TPO: variants seen among roughly 807,000 people sequenced by gnomAD.
TPO encodes thyroid peroxidase, also known as thyroid microsomal antigen.
Under a neutral mutation model 96.9 loss-of-function variants are expected in TPO, and 78 were observed. The ratio of observed to expected loss-of-function variants is 0.81; its 90% confidence interval spans 0.67 to 0.97. The LOEUF is 0.97. TPO is among the 50% of genes least tolerant of loss of function. The pLI, the probability that TPO is intolerant of heterozygous loss-of-function variation, is 0.00. For missense variants in TPO, 1,252 were observed against 1,274.8 expected, an observed-to-expected ratio of 0.98 and a Z score of 0.27; for synonymous variants, 547 against 538.0, an observed-to-expected ratio of 1.02 and a Z score of -0.23.
intron 1 of TPO, among the ~76,000 whole-genome samples, chr2:1,383,712 A>G (rs1184828202): frequency 1.3e-5 from 2 of 152,028 alleles, no homozygotes; most frequent in Non-Finnish European, 2.9e-5. Context: ...GCTGTGCAGA[A>G]GCTCTTTAGT....
chr2:1,389,128 C>T (rs528821939), intron 1 of TPO, among the ~76,000 whole-genome samples: 47 of 152,248 alleles, frequency 3.1e-4, no homozygotes, highest in Admixed American at 3.1e-3. Context: ...TGGCAGCTCA[C>T]TCAGGAGGGG....
At chr2:1,406,287 A>G (rs544724485) in intron 1 of TPO, among the ~76,000 whole-genome samples, 4 of 152,394 alleles carry the variant, frequency 2.6e-5, no homozygotes, top group South Asian at 2.1e-4. Context: ...GGCCTTTTAT[A>G]GAAACTAACA....
At chr2:1,406,479 C>T (rs1053573820) in intron 1 of TPO, among the ~76,000 whole-genome samples, 1 of 152,244 alleles carries the variant, frequency 6.6e-6, no homozygotes, top group Non-Finnish European at 1.5e-5. Flanking sequence ...TCTCTGCTTC[C>T]AGACATGGTC....
At position 1,453,823 on chromosome 2, in the gene TPO, G is replaced by A. The variant is rs3732349; in HGVS notation, c.612G>A (p.Pro204=). 449 of 1,613,662 alleles carry A rather than the reference G, an allele frequency of 2.8e-4. 5 individuals are homozygous for A. In the East Asian group the frequency reaches 7.4e-3, roughly 27 times the overall value. ...TGTACAACGGGTTCCCACTGCCCCCGGTGGGTACTCAGAACGCTACTATCC... is the reference window on the plus strand; with the variant it reads ...TGTACAACGGGTTCCCACTGCCCCCAGTGGGTACTCAGAACGCTACTATCC... ...GFLYNGFPLP[P]VREVTRHVIQ... Residue 204 remains proline (P), a splice_region_variant and synonymous_variant, in exon 6 of 17, where the codon CCG becomes CCA. Transcript: ENST00000329066.
chr2:1,538,159 A>G (rs72776281), intron 15 of TPO, among the ~76,000 whole-genome samples: 18,248 of 139,736 alleles, frequency 0.13, 1,299 homozygotes, highest in Non-Finnish European at 0.14. Flanking sequence ...CATACTGTGT[A>G]CAACCTCCTC....
In TPO at chr2:1,534,050, CACT is replaced by C. The variant is rs1264418895; in HGVS notation, c.2619-6543_2619-6541del. ...TCTGTGCAACCTCCCCAAATCCCAC[CACT>C]GTGTTCAACCTCCCCGAATACCCAC... On this transcript the variant is annotated intron_variant, in intron 15 of 16. Coordinates refer to ENST00000329066, the MANE Select transcript of TPO (RefSeq NM_001206744.2). Among the ~76,000 whole-genome samples, 8 of 97,790 alleles carry C rather than the reference CACT, an allele frequency of 8.2e-5. 1 individual carries two copies. The highest frequency in any genetic ancestry group is 1.6e-4 in the Non-Finnish European group (7 of 45,012). The allele number at this position is 97,790 out of a possible 152,430, so 64.2% of individuals were successfully genotyped here. A position where few individuals can be genotyped will look rare whatever the true frequency, so the allele number is the denominator to read the frequency against.
intron 6 of TPO, among the ~76,000 whole-genome samples, chr2:1,454,702 G>C (rs6588668): frequency 0.93 from 141,317 of 152,128 alleles, 65,713 homozygotes; most frequent in South Asian, 0.98. Flanking sequence ...AATGGGATAA[G>C]ACTGTCTTAC....
chr2:1,375,845 C>T (rs1049599495), intron 1 of TPO, among the ~76,000 whole-genome samples: 6 of 152,182 alleles, frequency 3.9e-5, no homozygotes, highest in African/African-American at 9.6e-5. Flanking sequence ...CTCCTCACTG[C>T]GAATCTCTGA....
At chr2:1,374,193 C>CT (rs968016132), upstream of TPO, 6 of 152,336 alleles carry the variant, frequency 3.9e-5, no homozygotes, top group East Asian at 5.8e-4. Flanking sequence ...AGATGGAAAT[C>CT]TTTTTTACCC....
intron 1 of TPO, among the ~76,000 whole-genome samples, chr2:1,381,234 A>G (rs538161350): frequency 6.6e-6 from 1 of 152,182 alleles, no homozygotes; most frequent in Admixed American, 6.5e-5. Flanking sequence ...CAACCTACAT[A>G]ATGGGAGAAA....
rs746174261 is a variant in TPO at position 1,503,971 on chromosome 2, G to C, written c.2410G>C (p.Ala804Pro). 3 of 1,614,074 alleles carry C rather than the reference G, an allele frequency of 1.9e-6. No homozygotes were observed. The highest frequency in any genetic ancestry group is 2.2e-5 in the South Asian group (2 of 91,082). Residue 804 changes from alanine (A) to proline (P), a missense_variant, in exon 14 of 17, where the codon GCC becomes CCC. Coordinates refer to ENST00000329066, the MANE Select transcript of TPO (RefSeq NM_001206744.2). The stretch of plus-strand genomic sequence containing the variant: ...AGATGTGAACGAGTGTGCAGACGGT[G>C]CCCACCCCCCCTGCCACGCCTCTGC... ...CKDVNECADGAHPPCHASARC... is the reference protein window; with the variant it reads ...CKDVNECADGPHPPCHASARC...
chr2:1,473,315 C>G (rs1015525950), intron 7 of TPO, among the ~76,000 whole-genome samples: 3 of 152,166 alleles, frequency 2.0e-5, no homozygotes. Context: ...TGGTTCTGCC[C>G]TCCTTCTCCC....
chr2:1,505,199 C>T (rs1363713474), intron 14 of TPO, among the ~76,000 whole-genome samples: 2 of 152,156 alleles, frequency 1.3e-5, no homozygotes, highest in South Asian at 2.1e-4. Flanking sequence ...CAAGCTACAT[C>T]CGCTTGACTG....
Position 1,456,121 on chromosome 2 carries a change from G to T in TPO, c.658G>T (p.Val220Phe). The T allele has an allele frequency of 1.2e-6, 2 of 1,614,046 alleles. No homozygotes were observed. Among genetic ancestry groups the T allele is most frequent in the Non-Finnish European group, 1.7e-6 (2 of 1,180,028 alleles). The change falls in exon 7 of 17, where the codon GTC becomes TTC. Residue 220 changes from valine (V) to phenylalanine (F), a missense_variant. Coordinates refer to ENST00000329066, the MANE Select transcript of TPO (RefSeq NM_001206744.2). ...RHVIQVSNEV[V>F]TDDDRYSDLL... ...TGTCATTCAAGTTTCAAATGAGGTT[G>T]TCACAGATGATGACCGCTATTCTGA...
intron 6 of TPO, among the ~76,000 whole-genome samples, chr2:1,454,450 A>G (rs1037851298): frequency 3.3e-5 from 5 of 152,206 alleles, no homozygotes; most frequent in African/African-American, 9.6e-5. Flanking sequence ...CAGATACACC[A>G]GCACAGAGTT....
intron 1 of TPO, among the ~76,000 whole-genome samples, chr2:1,397,538 A>G (rs543916921): frequency 2.6e-5 from 4 of 152,318 alleles, no homozygotes; most frequent in African/African-American, 7.2e-5. Context: ...GCTCAAATTC[A>G]GGCTGGAAAG....
chr2:1,388,408 G>T (rs1241909641), intron 1 of TPO, among the ~76,000 whole-genome samples: 3 of 152,202 alleles, frequency 2.0e-5, no homozygotes, highest in Non-Finnish European at 4.4e-5. Flanking sequence ...CCTCAGCAAT[G>T]GCGGGTGCCC....
At chr2:1,408,185 G>T (rs958827330) in intron 1 of TPO, among the ~76,000 whole-genome samples, 11 of 152,212 alleles carry the variant, frequency 7.2e-5, no homozygotes, top group African/African-American at 2.7e-4. Flanking sequence ...GTGCAGAGAG[G>T]CCTGGTGCTG....
intron 14 of TPO, among the ~76,000 whole-genome samples, chr2:1,509,977 TC>T (rs1226585532): frequency 6.6e-6 from 1 of 152,164 alleles, no homozygotes; most frequent in Non-Finnish European, 1.5e-5. Context: ...CCCTCTCGTT[TC>T]AGGGACACCA....
Sources: gnomAD v4.1 joint callset for allele counts (sites outside exome capture counted in the v4.1 genomes callset) on GRCh38, gnomAD v4.1.1 for gene constraint, MANE v1.5 for transcripts, NCBI Gene and HGNC (gene_info 2026-07-23, HGNC 2026-07-21) for gene names.